The following DOCK9 variants were observed in gnomAD, a reference collection of about 807,000 sequenced individuals.
DOCK9 encodes dedicator of cytokinesis 9, also known as dedicator of cytokinesis protein 9.
DOCK9 carries 89 observed loss-of-function variants against 263.3 expected under a neutral mutation model. The ratio of observed to expected loss-of-function variants is 0.34; its 90% CI spans 0.28 to 0.40. The LOEUF is 0.40. DOCK9 is among the 10% of genes least tolerant of loss of function. The probability of loss-of-function intolerance (pLI) is 1.00; values close to 1 mark genes in which losing one functional copy is unlikely to be tolerated. For synonymous variants in DOCK9, 976 were observed against 973.1 expected (o/e 1.00, Z -0.06); for missense variants, 2,140 against 2,603.4 (o/e 0.82, Z 3.87).
At chr13:99,043,479 G>A (rs117817773) in intron 1 of DOCK9, among the ~76,000 whole-genome samples, 2 of 152,210 alleles carry the variant, frequency 1.3e-5, no homozygotes, top group Non-Finnish European at 2.9e-5. Flanking sequence ...GTCTCTCTAC[G>A]GTCTCATATC....
intron 4 of DOCK9, among the ~76,000 whole-genome samples, chr13:98,925,119 G>A (rs1312074332): frequency 2.0e-5 from 3 of 152,084 alleles, no homozygotes; most frequent in Non-Finnish European, 4.4e-5. Flanking sequence ...AGCAGAGATC[G>A]TGTCATTGTA....
rs1555407546 is a variant in DOCK9, at chr13:98,927,629, A to AC, written c.334-1711_334-1710insG. The stretch of plus-strand genomic sequence containing the variant: ...AGCCCAGATTTTTATTTATTTATTT[A>AC]TTTTTTTTTAAGACGGAATCTTGCT... On this transcript the variant is annotated intron_variant, in intron 3 of 52. Transcript: ENST00000682017. Among the ~76,000 whole-genome samples the AC allele has an allele frequency of 8.0e-5, 7 of 87,842 alleles. No homozygotes were observed. The South Asian group carries it at 2.6e-3, about 33-fold the overall frequency. The allele number at this position is 87,842 out of a possible 152,430, so 57.6% of individuals were successfully genotyped here. A position where few individuals can be genotyped will look rare whatever the true frequency, so the allele number is the denominator to read the frequency against.
chr13:98,880,620 T>C lies in DOCK9; in HGVS notation c.2798A>G (p.Glu933Gly), dbSNP rs1466491713. The C allele has an allele frequency of 6.2e-7, 1 of 1,613,928 alleles. No individual in the cohort carries two copies. Residue 933 changes from glutamate (E) to glycine (G), a missense_variant, in exon 26 of 53, where the codon GAA (glutamate) becomes GGA (glycine). Physicochemically the swap from Glu to Gly is moderately conservative, Grantham distance 98 (BLOSUM62 -2). This residue lies in a region of DOCK9 where 1,521 missense variants were observed against 1,741.7 expected (regional missense o/e 0.87). Coordinates refer to ENST00000682017, the MANE Select transcript of DOCK9 (RefSeq NM_001366683.2). ...YVASEYKTVH[E>G]ELTKSMTTIL... is the part of the protein sequence containing the mutation. Reference sequence around the variant, plus strand: ...CGTGGTCATGGATTTGGTCAGTTCTTCATGCACTGTCTTGTATTCAGAGGC... The same window carrying C: ...CGTGGTCATGGATTTGGTCAGTTCTCCATGCACTGTCTTGTATTCAGAGGC...
chr13:99,041,480 CAA>C (rs11411001), intron 1 of DOCK9, among the ~76,000 whole-genome samples: 7 of 137,260 alleles, frequency 5.1e-5, no homozygotes, highest in Non-Finnish European at 3.1e-5. Flanking sequence ...AAGACTGTCT[CAA>C]AAAAAAAAAA....
intron 41 of DOCK9, 125 bp downstream of exon 41, chr13:98,831,223 C>T (rs1425980338): frequency 2.7e-6 from 3 of 1,122,192 alleles, no homozygotes; most frequent in Non-Finnish European, 3.7e-6. Flanking sequence ...ACGTGGCTTC[C>T]CAGTTTTCCA....
In DOCK9 at chr13:98,867,921, G is replaced by T. The variant is rs779336968; in HGVS notation, c.3174+7C>A. ...ACTTCTGTTACCAGTAACAACCCCC[G>T]CACTACCTTTGGGTCTCCAGGAGCA... On this transcript the variant is annotated splice_region_variant and intron_variant, in intron 29 of 52. Coordinates refer to ENST00000682017, the MANE Select transcript of DOCK9 (RefSeq NM_001366683.2). The T allele has an allele frequency of 6.8e-6, 11 of 1,612,176 alleles. No individual in the cohort carries two copies. The highest frequency in any genetic ancestry group is 1.7e-4 in the Middle Eastern group (1 of 6,058).
chr13:98,942,424 G>T (rs1187942363), intron 2 of DOCK9, among the ~76,000 whole-genome samples: 1 of 151,970 alleles, frequency 6.6e-6, no homozygotes, highest in Non-Finnish European at 1.5e-5. Flanking sequence ...ATTTTAAGTA[G>T]AGATGGGGTT....
intron 1 of DOCK9, among the ~76,000 whole-genome samples, chr13:99,049,209 C>T (rs1221947414): frequency 1.3e-5 from 2 of 152,192 alleles, no homozygotes; most frequent in Non-Finnish European, 2.9e-5. Context: ...TAATACTGTT[C>T]ATCTGAGTAT....
Position 98,837,590 on chromosome 13 carries a change from T to C in DOCK9, c.4218A>G (p.Ala1406=). 2 of 1,613,506 alleles carry C rather than the reference T, an allele frequency of 1.2e-6. No individual in the cohort carries two copies. Among genetic ancestry groups the C allele is most frequent in the Non-Finnish European group, 1.7e-6 (2 of 1,179,616 alleles). Reference sequence around the variant, plus strand: ...CAAGTAATGACTGGTGCAGAACATCTGCGTCCGAGTGGCCATAGCCTGCAT... The same window carrying C: ...CAAGTAATGACTGGTGCAGAACATCCGCGTCCGAGTGGCCATAGCCTGCAT... ...TFNHSYGHSD[A]DVLHQSLLEA... is the part of the protein sequence containing the mutation. The change falls in exon 39 of 53, where the codon GCA becomes GCG. Residue 1406 remains alanine (A), a synonymous_variant. Coordinates refer to ENST00000682017, the MANE Select transcript of DOCK9 (RefSeq NM_001366683.2).
chr13:99,003,134 G>A lies in DOCK9; in HGVS notation c.130-47583C>T, dbSNP rs183777907. On this transcript the variant is annotated intron_variant, in intron 1 of 32. Transcript: ENST00000427887. ...AGGGGATACCTTGAAATTCTGTTGT[G>A]CCTAAAAGGATGGTGTGCACATAAC... Among the ~76,000 whole-genome samples, 342 of 152,306 alleles carry A rather than the reference G, an allele frequency of 2.2e-3. 2 individuals are homozygous for A. The highest frequency in any genetic ancestry group is 7.7e-3 in the African/African-American group (319 of 41,556).
At chr13:99,014,821 G>T (rs533612078) in intron 1 of DOCK9, among the ~76,000 whole-genome samples, 1 of 152,318 alleles carries the variant, frequency 6.6e-6, no homozygotes, top group Admixed American at 6.5e-5. Context: ...TCTGTGACTT[G>T]ACACCTCTTC....
intron 1 of DOCK9, among the ~76,000 whole-genome samples, chr13:99,081,386 T>G (rs966294548): frequency 5.3e-5 from 8 of 152,164 alleles, no homozygotes; most frequent in African/African-American, 1.9e-4. Flanking sequence ...CAAGCGAAAT[T>G]TAGCAACGAC....
rs1306241984 is a variant in DOCK9 at position 98,867,520 on chromosome 13, T to C, written c.3191A>G (p.Lys1064Arg). 3.7e-6 allele frequency: 6 copies of C among 1,608,486 alleles called. No homozygotes were observed. Among genetic ancestry groups the C allele is most frequent in the Non-Finnish European group, 5.1e-6 (6 of 1,176,548 alleles). ...PGDPKTLFEYKFEFLRVVCNH... is the reference protein window; with the variant it reads ...PGDPKTLFEYRFEFLRVVCNH... ...GCACACTACACGGAGAAATTCAAAC[T>C]TGTATTCAAAGAGGGTCTGCAGGAA... Residue 1064 changes from lysine (K) to arginine (R), a missense_variant, in exon 30 of 53, where the codon AAG (lysine) becomes AGG (arginine). This residue lies in a region of DOCK9 where 1,521 missense variants were observed against 1,741.7 expected (regional missense o/e 0.87). Transcript: ENST00000682017.
chr13:98,832,620 T>C (rs1438432606), intron 39 of DOCK9, among the ~76,000 whole-genome samples: 1 of 152,214 alleles, frequency 6.6e-6, no homozygotes, highest in Non-Finnish European at 1.5e-5. Flanking sequence ...TCCCATCAAC[T>C]GTAGAATATA....
chr13:98,943,891 T>C (rs1313927439), intron 2 of DOCK9, among the ~76,000 whole-genome samples: 1 of 152,190 alleles, frequency 6.6e-6, no homozygotes, highest in Admixed American at 6.5e-5. Flanking sequence ...CTTCATAAAT[T>C]TCCATCTGAT....
intron 1 of DOCK9, among the ~76,000 whole-genome samples, chr13:98,997,071 T>C (rs1475811313): frequency 6.6e-6 from 1 of 152,222 alleles, no homozygotes; most frequent in African/African-American, 2.4e-5. Context: ...CCAGGGTTTC[T>C]ACAAGAGGAC....
At chr13:98,904,740 A>G in intron 9 of DOCK9, 34 bp from the exon 10 acceptor site, 1 of 1,526,288 alleles carries the variant, frequency 6.6e-7, no homozygotes, top group Non-Finnish European at 8.9e-7. Flanking sequence ...TACATTTAAC[A>G]CAATCCTTTT....
upstream of DOCK9, among the ~76,000 whole-genome samples, chr13:98,983,038 A>G (rs1567169734): frequency 6.6e-6 from 1 of 152,214 alleles, no homozygotes; most frequent in East Asian, 1.9e-4. Flanking sequence ...GAATAAATCA[A>G]TTATCTCAAC....
intron 38 of DOCK9, among the ~76,000 whole-genome samples, chr13:98,837,971 A>C (rs1053816390): frequency 1.3e-5 from 2 of 152,188 alleles, no homozygotes; most frequent in East Asian, 1.9e-4. Flanking sequence ...GGTGGAGATA[A>C]GGAAATGAAG....
Sources: gnomAD v4.1 joint callset for allele counts (sites outside exome capture counted in the v4.1 genomes callset) on GRCh38, gnomAD v4.1.1 for gene constraint, gnomAD v4.1.1 regional missense constraint, MANE v1.5 for transcripts, NCBI Gene and HGNC (gene_info 2026-07-23, HGNC 2026-07-21) for gene names.